Variants in RAB11FIP2 observed in about 807,000 individuals in gnomAD.
RAB11FIP2 encodes RAB11 family interacting protein 2.
Under a neutral mutation model 40.9 loss-of-function variants are expected in RAB11FIP2, and 16 were observed. The ratio of observed to expected loss-of-function variants is 0.39; its 90% CI spans 0.26 to 0.59. The LOEUF (loss-of-function observed/expected upper bound fraction) is 0.59. Among genes scored for constraint, RAB11FIP2 ranks in the 20% least tolerant of loss-of-function variants. The pLI is 0.53. For missense variants in RAB11FIP2, 532 were observed against 606.2 expected, an observed-to-expected ratio of 0.88 and a Z score of 1.28; for synonymous variants, 228 against 213.7, an observed-to-expected ratio of 1.07 and a Z score of -0.58.
At position 118,013,527 on chromosome 10, in the gene RAB11FIP2, C is replaced by G. The variant is rs540948112; in HGVS notation, c.1311+1538G>C. ...TTGGTGGATGGCTATTATTGGAGAACTTAATGTAAATTACTTCAAACATCT... is the reference window on the plus strand; with the variant it reads ...TTGGTGGATGGCTATTATTGGAGAAGTTAATGTAAATTACTTCAAACATCT... On this transcript the variant is annotated intron_variant, in intron 4 of 4. Coordinates refer to ENST00000355624, the MANE Select transcript of RAB11FIP2 (RefSeq NM_014904.3). 2.6e-5 allele frequency among the ~76,000 whole-genome samples: 4 copies of G among 152,176 alleles called. No individual in the cohort carries two copies. The East Asian group carries it at 7.7e-4, about 29-fold the overall frequency.
At chr10:118,028,370 A>T (rs1478341771) in intron 3 of RAB11FIP2, among the ~76,000 whole-genome samples, 1 of 151,574 alleles carries the variant, frequency 6.6e-6, no homozygotes, top group East Asian at 1.9e-4. Context: ...CATGTCAAAG[A>T]CCAAGAATTA....
rs768956320 is a variant in RAB11FIP2 at position 118,039,049 on chromosome 10, G to A, written c.1188C>T (p.Arg396=). 11 of 1,612,996 alleles carry A rather than the reference G, an allele frequency of 6.8e-6. No homozygotes were observed. The highest frequency in any genetic ancestry group is 9.3e-6 in the Non-Finnish European group (11 of 1,179,576). ...LKSPNAFSEN[R]QDYFDYESTN... ...TTGACTCATAATCAAAATAGTCCTG[G>A]CGATTTTCACTAAATGCATTAGGTG... Residue 396 remains arginine (R), a synonymous_variant, in exon 3 of 5, where the codon CGC becomes CGT. Coordinates refer to ENST00000355624, the MANE Select transcript of RAB11FIP2 (RefSeq NM_014904.3).
At chr10:118,042,270 A>G (rs1846570239) in intron 1 of RAB11FIP2, among the ~76,000 whole-genome samples, 1 of 152,100 alleles carries the variant, frequency 6.6e-6, no homozygotes, top group Non-Finnish European at 1.5e-5. Context: ...AAAAAAAATT[A>G]ATTACCCCCA....
At chr10:118,045,698 T>C in intron 1 of RAB11FIP2, 113 bp downstream of exon 1, 1 of 816,528 alleles carries the variant, frequency 1.2e-6, no homozygotes. Context: ...TAAAACTGGA[T>C]CATATTTCAA....
chr10:118,032,049 T>C (rs1174816206), intron 3 of RAB11FIP2, among the ~76,000 whole-genome samples: 1 of 152,024 alleles, frequency 6.6e-6, no homozygotes, highest in Non-Finnish European at 1.5e-5. Context: ...TTTAAAAAAA[T>C]TCAGAATAAG....
rs760584673 is a variant in RAB11FIP2 at position 118,045,911 on chromosome 10, T to C, written c.253A>G (p.Ile85Val). The part of the protein sequence containing the change: ...GSPEKYILFL[I>V]VMHRSLVGLD... ...CCCACCAGGGACCTGTGCATAACTA[T>C]AAGGAAAAGAATGTATTTCTCTGGA... Residue 85 changes from isoleucine (I) to valine (V), a missense_variant, in exon 1 of 5, where the codon ATA becomes GTA. Ile to Val is a conservative substitution (Grantham distance 29). Coordinates refer to ENST00000355624, the MANE Select transcript of RAB11FIP2 (RefSeq NM_014904.3). 5.0e-6 allele frequency: 8 copies of C among 1,614,224 alleles called. No individual in the cohort carries two copies. In the South Asian group the frequency reaches 6.6e-5, roughly 13 times the overall value.
chr10:118,031,225 G>A (rs541308646), intron 3 of RAB11FIP2, among the ~76,000 whole-genome samples: 1 of 150,952 alleles, frequency 6.6e-6, no homozygotes, highest in East Asian at 1.9e-4. Flanking sequence ...TGATGCCAAC[G>A]ACTGAACTTT....
rs1038184186 is a variant in RAB11FIP2 at position 118,006,889 on chromosome 10, T to A, written c.*2109A>T. 9 of 152,348 alleles carry A rather than the reference T, an allele frequency of 5.9e-5. No homozygotes were observed. The highest frequency in any genetic ancestry group is 1.4e-4 in the African/African-American group (6 of 41,400). 9.4% of individuals were successfully genotyped at this position (152,348 alleles called of 1,614,324 possible). A position where few individuals can be genotyped will look rare whatever the true frequency, so the allele number is the denominator to read the frequency against. On this transcript the variant is annotated 3_prime_UTR_variant, in exon 5 of 5. Coordinates refer to ENST00000355624, the MANE Select transcript of RAB11FIP2 (RefSeq NM_014904.3). ...AAGAATCGCTCCTTAAAAATCAATT[T>A]CCCCATAAAAAGAAGAGCAGTACTT... is the stretch of plus-strand genomic sequence containing the variant.
chr10:118,009,244 T>C lies in RAB11FIP2; in HGVS notation c.1312-19A>G. 1 of 1,577,014 alleles carries C rather than the reference T, an allele frequency of 6.3e-7. No individual in the cohort carries two copies. The highest frequency in any genetic ancestry group is 8.7e-7 in the Non-Finnish European group (1 of 1,150,556). On this transcript the variant is annotated intron_variant, in intron 4 of 4. Coordinates refer to ENST00000355624, the MANE Select transcript of RAB11FIP2 (RefSeq NM_014904.3). ...TGCTGTCCTAGAACAGGATAAAGACTGTCACTTTCATAGATATAACATCTG... is the reference window on the plus strand; with the variant it reads ...TGCTGTCCTAGAACAGGATAAAGACCGTCACTTTCATAGATATAACATCTG...
chr10:118,040,622 T>G, intron 1 of RAB11FIP2, 57 bp from the exon 2 acceptor site: 2 of 1,245,154 alleles, frequency 1.6e-6, no homozygotes, highest in Middle Eastern at 2.4e-4. Flanking sequence ...GGATACTGAG[T>G]TCTGTTACAT....
chr10:118,016,992 TGTGCCA>T (rs1313114226), intron 3 of RAB11FIP2, among the ~76,000 whole-genome samples: 5 of 152,232 alleles, frequency 3.3e-5, no homozygotes, highest in Non-Finnish European at 7.3e-5. Context: ...GCACTTAATG[TGTGCCA>T]GATGCTATTC....
intron 4 of RAB11FIP2, among the ~76,000 whole-genome samples, chr10:118,011,545 T>C (rs890290195): frequency 2.6e-5 from 4 of 150,944 alleles, no homozygotes; most frequent in African/African-American, 9.8e-5. Context: ...GAGTTCGGTA[T>C]ACTTTTGAAA....
chr10:118,030,625 C>T (rs1846401320), intron 3 of RAB11FIP2, among the ~76,000 whole-genome samples: 2 of 151,886 alleles, frequency 1.3e-5, no homozygotes, highest in Admixed American at 1.3e-4. Context: ...TATTAGCCTA[C>T]ACTAGTTTTT....
intron 3 of RAB11FIP2, among the ~76,000 whole-genome samples, chr10:118,033,638 C>G (rs1482015841): frequency 6.6e-6 from 1 of 151,964 alleles, no homozygotes; most frequent in Admixed American, 6.6e-5. Flanking sequence ...ATTAACTTAC[C>G]TAGAACAGGT....
intron 2 of RAB11FIP2, 98 bp downstream of exon 2, chr10:118,040,025 A>G (rs1168127600): frequency 4.0e-6 from 5 of 1,234,842 alleles, no homozygotes; most frequent in Non-Finnish European, 5.6e-6. Context: ...AAAATACTAC[A>G]AAGCAACTGC....
In RAB11FIP2 at chr10:118,009,082, A is replaced by G; in HGVS notation, c.1455T>C (p.Leu485=). The change falls in exon 5 of 5, where the codon CTT becomes CTC. Residue 485 remains leucine (L), a synonymous_variant. Transcript: ENST00000355624. ...RELEDYIDNL[L]VRVMEETPSI... ...TGGGCGTTTCTTCCATTACCCTTAC[A>G]AGGAGGTTGTCGATGTAGTCCTCGA... is the stretch of plus-strand genomic sequence containing the variant. The G allele has an allele frequency of 6.2e-7, 1 of 1,613,550 alleles. No individual in the cohort carries two copies. Among genetic ancestry groups the G allele is most frequent in the Non-Finnish European group, 8.5e-7 (1 of 1,179,622 alleles).
intron 4 of RAB11FIP2, among the ~76,000 whole-genome samples, chr10:118,012,540 T>C (rs1846170971): frequency 6.6e-6 from 1 of 151,938 alleles, no homozygotes; most frequent in Non-Finnish European, 1.5e-5. Flanking sequence ...TATATATATA[T>C]ATTTCTGTTT....
intron 1 of RAB11FIP2, among the ~76,000 whole-genome samples, chr10:118,043,846 C>T (rs1452155715): frequency 1.3e-5 from 2 of 152,022 alleles, no homozygotes; most frequent in African/African-American, 4.8e-5. Flanking sequence ...CTTACTGGGC[C>T]ACAGGTACAG....
intron 4 of RAB11FIP2, among the ~76,000 whole-genome samples, chr10:118,010,966 A>G (rs1846147694): frequency 6.6e-6 from 1 of 152,006 alleles, no homozygotes; most frequent in Non-Finnish European, 1.5e-5. Context: ...GCTGAATGGT[A>G]GTATAAAGAA....
Sources: allele counts gnomAD v4.1 joint callset (sites outside exome capture counted in the v4.1 genomes callset), GRCh38; gene constraint gnomAD v4.1.1; transcripts MANE v1.5; gene names NCBI Gene and HGNC (gene_info 2026-07-23, HGNC 2026-07-21).